KCNQ1: variants seen among roughly 807,000 people sequenced by gnomAD.
The protein encoded by KCNQ1 is potassium voltage-gated channel subfamily Q member 1.
In KCNQ1, 49 loss-of-function variants were observed where a neutral mutation model predicts 72.4. That is an observed-to-expected ratio of 0.68 (90% confidence interval 0.54 to 0.86). KCNQ1 has a LOEUF of 0.86. Among genes scored for constraint, KCNQ1 ranks in the 40% least tolerant of loss-of-function variants. The pLI, the probability that KCNQ1 is intolerant of heterozygous loss-of-function variation, is 0.00. For missense variants in KCNQ1, 790 were observed against 945.1 expected (o/e 0.84, Z 2.15); for synonymous variants, 450 against 412.6 (o/e 1.09, Z -1.10).
chr11:2,625,580 T>TC (rs1564837292), intron 10 of KCNQ1: 2 of 12,888 alleles, frequency 1.6e-4, no homozygotes. Context: ...CCTTTGCCCT[T>TC]TTTTTTTTTT....
intron 10 of KCNQ1, chr11:2,632,918 C>A: frequency 2.5e-6 from 1 of 398,452 alleles, no homozygotes; most frequent in South Asian, 1.3e-4. Flanking sequence ...GATTTCCTTT[C>A]CTTTGAGTCA....
At chr11:2,821,474 C>T (rs1847736303) in intron 15 of KCNQ1, among the ~76,000 whole-genome samples, 1 of 152,160 alleles carries the variant, frequency 6.6e-6, no homozygotes, top group South Asian at 2.1e-4. Context: ...CCATGAGGGC[C>T]AGATGGATGG....
intron 15 of KCNQ1, among the ~76,000 whole-genome samples, chr11:2,786,949 G>GGT (rs1846925926): frequency 8.3e-6 from 1 of 120,336 alleles, no homozygotes; most frequent in Non-Finnish European, 1.7e-5. Context: ...TTTCGTTTCT[G>GGT]TTTTTTTTTT....
At chr11:2,571,980 G>T (rs199568487) in intron 4 of KCNQ1, 33 bp from the exon 5 acceptor site, 1 of 1,582,572 alleles carries the variant, frequency 6.3e-7, no homozygotes, top group Non-Finnish European at 8.6e-7. Context: ...AGCCCAGCCT[G>T]GCTCCCTCAG....
At chr11:2,489,006 T>C (rs982288340) in intron 1 of KCNQ1, among the ~76,000 whole-genome samples, 7 of 152,184 alleles carry the variant, frequency 4.6e-5, no homozygotes, top group Non-Finnish European at 1.0e-4. Flanking sequence ...GATGGCCAAA[T>C]AGAAGCCTCC....
intron 15 of KCNQ1, among the ~76,000 whole-genome samples, chr11:2,794,653 G>A (rs1369769817): frequency 1.3e-5 from 2 of 152,140 alleles, no homozygotes; most frequent in Non-Finnish European, 2.9e-5. Flanking sequence ...ATGGAGGGGC[G>A]TCAGGGAGTA....
Position 2,546,655 on chromosome 11 carries a change from TAAA to T in KCNQ1, c.477+18641_477+18643del, listed in dbSNP as rs367590471. On this transcript the variant is annotated intron_variant, in intron 2 of 15. Transcript: ENST00000155840. ...TATTTTATTTTTTGCTTTTGTCATT[TAAA>T]AAATTATTTACATTCTTTATTTTTC... 2.6e-3 allele frequency among the ~76,000 whole-genome samples: 397 copies of T among 152,340 alleles called. 1 individual carries two copies. The highest frequency in any genetic ancestry group is 9.3e-3 in the African/African-American group (388 of 41,582).
chr11:2,524,909 G>A (rs944180022), intron 1 of KCNQ1, among the ~76,000 whole-genome samples: 2 of 152,202 alleles, frequency 1.3e-5, no homozygotes, highest in Non-Finnish European at 2.9e-5. Context: ...GCAGGCAGGT[G>A]GCATCTTCTG....
chr11:2,608,081 C>T lies in KCNQ1; in HGVS notation c.1393+19227C>T, dbSNP rs189505690. 6.6e-6 allele frequency among the ~76,000 whole-genome samples: 1 copy of T among 152,104 alleles called. No individual in the cohort carries two copies. Among genetic ancestry groups the T allele is most frequent in the Non-Finnish European group, 1.5e-5 (1 of 68,016 alleles). On this transcript the variant is annotated intron_variant, in intron 10 of 15. Coordinates refer to ENST00000155840, the MANE Select transcript of KCNQ1 (RefSeq NM_000218.3). This position sits in a 1 kb window ranked among gnomAD's most constrained non-coding sequence, Gnocchi z 4.6. ...ATGGGTAAAATAAATTTTATAAGTT[C>T]TCTTTTCATGTTTTTGTCTGGTTTT...
At chr11:2,635,601 G>C (rs1012531031) in intron 10 of KCNQ1, 1 of 152,196 alleles carries the variant, frequency 6.6e-6, no homozygotes, top group East Asian at 1.9e-4. Context: ...AGTATAGTTT[G>C]AAGTCAGGTA....
Position 2,678,081 on chromosome 11 carries a change from T to C in KCNQ1, c.1514+16000T>C, listed in dbSNP as rs1850324664. 5.0e-6 allele frequency: 2 copies of C among 398,336 alleles called. No individual in the cohort carries two copies. Among genetic ancestry groups the C allele is most frequent in the Admixed American group, 8.8e-5 (2 of 22,716 alleles). 24.7% of individuals were successfully genotyped at this position (398,336 alleles called of 1,614,324 possible). A position where few individuals can be genotyped will look rare whatever the true frequency, so the allele number is the denominator to read the frequency against. On this transcript the variant is annotated intron_variant, in intron 11 of 15. Transcript: ENST00000155840. This position sits in a 1 kb window ranked among gnomAD's most constrained non-coding sequence, Gnocchi z 4.9. ...TTTGGACTTTGTAAAATACCTTGTCTTACTGATTTGTAGAAACTTGCTTTG... is the reference window on the plus strand; with the variant it reads ...TTTGGACTTTGTAAAATACCTTGTCCTACTGATTTGTAGAAACTTGCTTTG...
chr11:2,699,713 G>A lies in KCNQ1; in HGVS notation c.1514+37632G>A, dbSNP rs551921146. On this transcript the variant is annotated intron_variant, in intron 11 of 15. Coordinates refer to ENST00000155840, the MANE Select transcript of KCNQ1 (RefSeq NM_000218.3). ...CGGGTGCCCCGAGGAGAACGGCGCC[G>A]AGGAGTCCCCGGGGAGAACTGCGCC... The A allele has an allele frequency of 1.0e-4, 25 of 238,424 alleles. No homozygotes were observed. In the South Asian group the frequency reaches 5.9e-3, roughly 56 times the overall value. 14.8% of individuals were successfully genotyped at this position (238,424 alleles called of 1,614,324 possible).
chr11:2,819,877 T>A (rs1333640274), intron 15 of KCNQ1, among the ~76,000 whole-genome samples: 2 of 152,232 alleles, frequency 1.3e-5, no homozygotes, highest in Non-Finnish European at 2.9e-5. Context: ...TTATCCATCA[T>A]ATTGTGTTTT....
In KCNQ1 at chr11:2,617,989, T is replaced by A. The variant is rs1456721389; in HGVS notation, c.1393+29135T>A. ...TTTTCTTCTAGTCCATAGGTTGCCT[T>A]TTCCTTTTGTTGACTGTTTCCGTTC... is the stretch of plus-strand genomic sequence containing the variant. On this transcript the variant is annotated intron_variant, in intron 10 of 15. Coordinates refer to ENST00000155840, the MANE Select transcript of KCNQ1 (RefSeq NM_000218.3). The surrounding 1 kb of genome is among the most constrained non-coding windows in gnomAD (Gnocchi z 4.6). The A allele has an allele frequency of 2.5e-5, 10 of 398,504 alleles. No homozygotes were observed. The highest frequency in any genetic ancestry group is 4.4e-5 in the Non-Finnish European group (10 of 226,064). 24.7% of individuals were successfully genotyped at this position (398,504 alleles called of 1,614,324 possible).
chr11:2,802,845 C>T (rs1328580274), intron 15 of KCNQ1, among the ~76,000 whole-genome samples: 5 of 152,320 alleles, frequency 3.3e-5, no homozygotes, highest in Admixed American at 6.5e-5. Context: ...CACCCTTGGA[C>T]GTTCCCTGAG....
At chr11:2,630,306 G>C (rs960954649) in intron 10 of KCNQ1, 2 of 397,984 alleles carry the variant, frequency 5.0e-6, no homozygotes, top group African/African-American at 4.1e-5. Flanking sequence ...GTTAAATTCA[G>C]TTTGATCATA....
chr11:2,687,015 G>A lies in KCNQ1; in HGVS notation c.1514+24934G>A, dbSNP rs1850501178. 2.5e-6 allele frequency: 1 copy of A among 398,656 alleles called. No homozygotes were observed. The highest frequency in any genetic ancestry group is 1.3e-4 in the South Asian group (1 of 7,858). 24.7% of individuals were successfully genotyped at this position (398,656 alleles called of 1,614,324 possible). A position where few individuals can be genotyped will look rare whatever the true frequency, so the allele number is the denominator to read the frequency against. On this transcript the variant is annotated intron_variant, in intron 11 of 15. Transcript: ENST00000155840. This position sits in a 1 kb window ranked among gnomAD's most constrained non-coding sequence, Gnocchi z 5.0. ...CTGACTTGCTAAGATGGGAGCAAGA[G>A]CTTAGGGCTAAAACTCAGCAGTCCC... is the stretch of plus-strand genomic sequence containing the variant.
chr11:2,800,770 C>T (rs888649722), intron 15 of KCNQ1, among the ~76,000 whole-genome samples: 3 of 152,202 alleles, frequency 2.0e-5, no homozygotes, highest in Non-Finnish European at 4.4e-5. Flanking sequence ...CAGGAGATCC[C>T]CATTGAGCAC....
rs979590321 is a variant in KCNQ1, at chr11:2,493,390, A to G, written c.387-34538A>G. 2.0e-5 allele frequency among the ~76,000 whole-genome samples: 3 copies of G among 152,028 alleles called. No homozygotes were observed. The highest frequency in any genetic ancestry group is 7.2e-5 in the African/African-American group (3 of 41,400). ...TTTGTCAATTTTGGCTTTTGTTGCA[A>G]TTGCTCTTGGTGTTTTAGTCATGAA... On this transcript the variant is annotated intron_variant, in intron 1 of 15. Coordinates refer to ENST00000155840, the MANE Select transcript of KCNQ1 (RefSeq NM_000218.3). This position sits in a 1 kb window ranked among gnomAD's most constrained non-coding sequence, Gnocchi z 5.3.
Sources: gnomAD v4.1 joint callset for allele counts (sites outside exome capture counted in the v4.1 genomes callset) on GRCh38, gnomAD v4.1.1 for gene constraint, Gnocchi (gnomAD v3.1) non-coding constraint, MANE v1.5 for transcripts, NCBI Gene and HGNC (gene_info 2026-07-23, HGNC 2026-07-21) for gene names.